SP110: variants seen among roughly 807,000 people sequenced by gnomAD.
SP110 encodes the protein interferon-induced protein 41, 30kD.
A neutral mutation model predicts 92.7 loss-of-function variants in SP110; 62 were observed. The observed-to-expected ratio is 0.67, with a 90% CI of 0.55 to 0.83. The LOEUF is 0.83. Ranked by LOEUF, SP110 falls within the 40% of genes least tolerant of loss-of-function variation. The pLI, the probability that SP110 is intolerant of heterozygous loss-of-function variation, is 0.00. For missense variants in SP110, 793 were observed against 863.9 expected, an observed-to-expected ratio of 0.92 and a Z score of 1.03; for synonymous variants, 273 against 305.3, an observed-to-expected ratio of 0.89 and a Z score of 1.10.
At chr2:230,171,113 G>A (rs2078428296) in intron 17 of SP110, among the ~76,000 whole-genome samples, 1 of 152,132 alleles carries the variant, frequency 6.6e-6, no homozygotes, top group South Asian at 2.1e-4. Flanking sequence ...TTTCTTTTGA[G>A]ATGGAGTCTT....
chr2:230,170,943 G>C (rs1280799767), intron 17 of SP110, 182 bp from the exon 18 acceptor site: 2 of 657,812 alleles, frequency 3.0e-6, no homozygotes, highest in Non-Finnish European at 5.5e-6. Flanking sequence ...ATATGAATAT[G>C]TAATCTCCAC....
upstream of SP110, chr2:230,221,628 A>T: frequency 1.8e-5 from 25 of 1,368,346 alleles, no homozygotes; most frequent in Non-Finnish European, 2.5e-5. Flanking sequence ...ATGCAGTAAC[A>T]TACAGCGCTG....
intron 7 of SP110, among the ~76,000 whole-genome samples, chr2:230,208,740 A>C (rs1024658448): frequency 1.3e-5 from 2 of 152,174 alleles, no homozygotes; most frequent in African/African-American, 2.4e-5. Context: ...CAGTGAGTGC[A>C]CTCTGCCCTG....
chr2:230,208,496 C>T (rs1481868338), intron 7 of SP110, among the ~76,000 whole-genome samples: 1 of 152,062 alleles, frequency 6.6e-6, no homozygotes, highest in Non-Finnish European at 1.5e-5. Context: ...GGAGGGAACT[C>T]GGAGAGGAGG....
chr2:230,198,085 T>C (rs537493130), intron 10 of SP110, among the ~76,000 whole-genome samples: 2 of 152,168 alleles, frequency 1.3e-5, no homozygotes, highest in South Asian at 4.2e-4. Flanking sequence ...CTCTATCACA[T>C]GAAGTTCTCT....
At chr2:230,199,205 CTT>C (rs35807015) in intron 10 of SP110, among the ~76,000 whole-genome samples, 4 of 89,446 alleles carry the variant, frequency 4.5e-5, no homozygotes, top group Non-Finnish European at 4.2e-5. Context: ...ACATAATCCT[CTT>C]TTTTTTTTTT....
intron 14 of SP110, chr2:230,174,153 C>T (rs1336538744): frequency 6.6e-6 from 1 of 152,206 alleles, no homozygotes; most frequent in South Asian, 2.1e-4. Context: ...GGGCCACTGC[C>T]CCAGGCATAG....
intron 2 of SP110, among the ~76,000 whole-genome samples, chr2:230,215,578 G>T (rs2045057063): frequency 6.6e-6 from 1 of 152,230 alleles, no homozygotes; most frequent in African/African-American, 2.4e-5. Flanking sequence ...AGATAAGCCT[G>T]AATGGATTCC....
At chr2:230,200,996 CT>C in intron 9 of SP110, 31 bp from the exon 10 acceptor site, 1 of 1,529,810 alleles carries the variant, frequency 6.5e-7, no homozygotes. Flanking sequence ...GTAAATGCCC[CT>C]TGGGAAACAC....
intron 10 of SP110, among the ~76,000 whole-genome samples, chr2:230,196,093 A>G (rs2148819846): frequency 6.6e-6 from 1 of 152,322 alleles, no homozygotes; most frequent in South Asian, 2.1e-4. Context: ...GGATGTAGGA[A>G]ATGAATACTC....
upstream of SP110, among the ~76,000 whole-genome samples, chr2:230,222,840 GTTTTTTTT>G (rs35018428): frequency 7.8e-6 from 1 of 128,940 alleles, no homozygotes; most frequent in African/African-American, 2.9e-5. Context: ...GTGTATTAAA[GTTTTTTTT>G]TTTTTTTTTT....
chr2:230,185,734 T>G (rs1268876721), intron 11 of SP110, among the ~76,000 whole-genome samples: 1 of 152,124 alleles, frequency 6.6e-6, no homozygotes, highest in African/African-American at 2.4e-5. Flanking sequence ...GTGACTCTAA[T>G]AACAGAAATG....
intron 16 of SP110, 95 bp from the exon 17 acceptor site, chr2:230,171,862 G>A: frequency 1.0e-6 from 1 of 997,576 alleles, no homozygotes; most frequent in East Asian, 2.4e-5. Context: ...GGGCAGCCAA[G>A]CCCAGTCAGC....
intron 1 of SP110, 184 bp downstream of exon 1, chr2:230,219,690 G>A (rs1200342944): frequency 6.5e-6 from 1 of 153,814 alleles, no homozygotes; most frequent in East Asian, 1.9e-4. Context: ...AAAAAAAGAG[G>A]TGTCAGTGTT....
chr2:230,174,322 C>A (rs1373856253), intron 14 of SP110: 1 of 152,220 alleles, frequency 6.6e-6, no homozygotes, highest in East Asian at 1.9e-4. Flanking sequence ...GGAAACACAT[C>A]CTTCATTTGT....
intron 2 of SP110, among the ~76,000 whole-genome samples, chr2:230,215,927 G>A (rs915870567): frequency 2.0e-5 from 3 of 152,206 alleles, no homozygotes; most frequent in Admixed American, 2.0e-4. Context: ...TGTCTCTGAG[G>A]AGTGCTCTCT....
At chr2:230,221,716 C>G, upstream of SP110, 1 of 1,536,038 alleles carries the variant, frequency 6.5e-7, no homozygotes, top group South Asian at 1.2e-5. Context: ...TGAAGCCCCT[C>G]CCCATCACCT....
chr2:230,188,484 C>G (rs1206349515), intron 10 of SP110, among the ~76,000 whole-genome samples: 2 of 152,024 alleles, frequency 1.3e-5, no homozygotes, highest in Non-Finnish European at 2.9e-5. Context: ...TTATTTCTTT[C>G]TCTTTTCTGA....
intron 14 of SP110, among the ~76,000 whole-genome samples, chr2:230,176,055 C>G (rs551186647): frequency 6.6e-6 from 1 of 151,002 alleles, no homozygotes; most frequent in South Asian, 2.1e-4. Flanking sequence ...GTGATCCTCC[C>G]ACCTCAGCCT....
Sources: allele counts gnomAD v4.1 joint callset (sites outside exome capture counted in the v4.1 genomes callset), GRCh38; gene constraint gnomAD v4.1.1; transcripts MANE v1.5; gene names NCBI Gene and HGNC (gene_info 2026-07-23, HGNC 2026-07-21).